DRG1: variants seen among roughly 807,000 people sequenced by gnomAD.
DRG1 encodes the protein developmentally-regulated GTP-binding protein 1.
DRG1 carries 19 observed loss-of-function variants against 38.8 expected under a neutral mutation model. That is an observed-to-expected ratio of 0.49 (90% confidence interval 0.34 to 0.72). DRG1 has a LOEUF of 0.72. Among genes scored for constraint, DRG1 ranks in the 30% least tolerant of loss-of-function variants. DRG1 has a pLI of 0.01. For missense variants in DRG1, 299 were observed against 444.8 expected (o/e 0.67, Z 2.95); for synonymous variants, 167 against 157.5 (o/e 1.06, Z -0.45).
intron 3 of DRG1, 75 bp downstream of exon 3, chr22:31,403,279 T>C (rs897622905): frequency 5.5e-6 from 8 of 1,452,866 alleles, no homozygotes; most frequent in Middle Eastern, 1.9e-4. Flanking sequence ...GGGAGCTCAC[T>C]GTATGCCAGG....
intron 4 of DRG1, among the ~76,000 whole-genome samples, chr22:31,418,657 A>C (rs2050057807): frequency 6.6e-6 from 1 of 151,398 alleles, no homozygotes. Context: ...ACAGGTGTCC[A>C]CTACCATGGC....
At chr22:31,400,878 T>C in intron 2 of DRG1, 135 bp downstream of exon 2, 2 of 1,062,914 alleles carry the variant, frequency 1.9e-6, no homozygotes, top group Non-Finnish European at 1.3e-6. Flanking sequence ...GCTGGGAGGC[T>C]GAGATAGGAG....
intron 8 of DRG1, among the ~76,000 whole-genome samples, chr22:31,432,584 C>T (rs1248486177): frequency 6.6e-6 from 1 of 152,110 alleles, no homozygotes; most frequent in South Asian, 2.1e-4. Flanking sequence ...CGCTACCACG[C>T]CCAGCTAATT....
intron 5 of DRG1, among the ~76,000 whole-genome samples, chr22:31,422,785 G>T (rs2050084216): frequency 6.6e-6 from 1 of 152,182 alleles, no homozygotes; most frequent in Non-Finnish European, 1.5e-5. Context: ...TTAAATAACA[G>T]AAATTTATTT....
chr22:31,413,761 C>T (rs1176583610), intron 4 of DRG1, among the ~76,000 whole-genome samples: 1 of 151,808 alleles, frequency 6.6e-6, no homozygotes, highest in East Asian at 1.9e-4. Context: ...TTACAGGCAC[C>T]TGCCACCACG....
intron 6 of DRG1, 163 bp from the exon 7 acceptor site, chr22:31,426,452 T>C (rs1277512903): frequency 5.1e-6 from 3 of 593,744 alleles, no homozygotes; most frequent in Admixed American, 3.5e-5. Context: ...TTTCAACCCA[T>C]AGTTCACTTT....
At chr22:31,423,986 T>C (rs1242525189) in intron 6 of DRG1, among the ~76,000 whole-genome samples, 2 of 150,320 alleles carry the variant, frequency 1.3e-5, no homozygotes, top group African/African-American at 4.9e-5. Flanking sequence ...CCCTCAGCCT[T>C]CCTGAGTAGC....
At chr22:31,419,630 A>G (rs1363356783) in intron 4 of DRG1, among the ~76,000 whole-genome samples, 4 of 152,172 alleles carry the variant, frequency 2.6e-5, no homozygotes, top group African/African-American at 9.7e-5. Flanking sequence ...AGGTGATGGA[A>G]ATATTCCATG....
intron 3 of DRG1, among the ~76,000 whole-genome samples, chr22:31,406,981 G>C (rs920031703): frequency 1.3e-5 from 2 of 152,276 alleles, no homozygotes; most frequent in Non-Finnish European, 2.9e-5. Flanking sequence ...CACTCTCAAA[G>C]AGTAATGATC....
chr22:31,410,785 A>T (rs545198053), intron 3 of DRG1, among the ~76,000 whole-genome samples: 1 of 152,068 alleles, frequency 6.6e-6, no homozygotes, highest in African/African-American at 2.4e-5. Flanking sequence ...GTTGTACTCC[A>T]GCCTGGGCAA....
chr22:31,430,635 G>C (rs1383635253), intron 8 of DRG1, among the ~76,000 whole-genome samples: 2 of 151,966 alleles, frequency 1.3e-5, no homozygotes, highest in Non-Finnish European at 2.9e-5. Context: ...TCCTGACCTC[G>C]TGATCCGCCC....
chr22:31,410,868 T>C (rs2050014728), intron 3 of DRG1, 144 bp from the exon 4 acceptor site: 3 of 734,090 alleles, frequency 4.1e-6, no homozygotes, highest in Non-Finnish European at 6.5e-6. Flanking sequence ...TTAAAAGTAA[T>C]ATTCACACAC....
intron 8 of DRG1, among the ~76,000 whole-genome samples, chr22:31,430,840 T>G (rs1278678840): frequency 6.6e-6 from 1 of 151,974 alleles, no homozygotes; most frequent in Non-Finnish European, 1.5e-5. Context: ...TACCTCAGTT[T>G]CTGAATAGCT....
At chr22:31,417,126 C>T (rs1246632103) in intron 4 of DRG1, among the ~76,000 whole-genome samples, 1 of 151,800 alleles carries the variant, frequency 6.6e-6, no homozygotes, top group East Asian at 1.9e-4. Flanking sequence ...AATTCCAGCA[C>T]TTTGGGAGGC....
intron 3 of DRG1, among the ~76,000 whole-genome samples, chr22:31,405,546 T>C (rs945952388): frequency 2.0e-5 from 3 of 152,134 alleles, no homozygotes; most frequent in Admixed American, 2.0e-4. Flanking sequence ...TTATTCATTC[T>C]CTCTTTCAGA....
chr22:31,426,811 C>T, intron 7 of DRG1, 29 bp downstream of exon 7: 3 of 1,606,650 alleles, frequency 1.9e-6, no homozygotes, highest in Non-Finnish European at 2.5e-6. Context: ...GGTAATGTTG[C>T]TATAGGAATT....
chr22:31,400,834 C>A, intron 2 of DRG1, 91 bp downstream of exon 2: 1 of 1,434,994 alleles, frequency 7.0e-7, no homozygotes. Flanking sequence ...AAAGATGGCC[C>A]AGTGCAGTGG....
intron 8 of DRG1, among the ~76,000 whole-genome samples, chr22:31,429,124 G>A (rs1034142200): frequency 1.3e-5 from 2 of 151,454 alleles, no homozygotes; most frequent in African/African-American, 4.9e-5. Flanking sequence ...GGTGAGGCTT[G>A]TTTGTGACAT....
intron 3 of DRG1, among the ~76,000 whole-genome samples, chr22:31,403,778 G>T (rs1484143906): frequency 6.6e-6 from 1 of 152,014 alleles, no homozygotes; most frequent in Non-Finnish European, 1.5e-5. Flanking sequence ...ACCGCGCCCG[G>T]CCCCCTGGTT....
Sources: gnomAD v4.1 joint callset for allele counts (sites outside exome capture counted in the v4.1 genomes callset) on GRCh38, gnomAD v4.1.1 for gene constraint, MANE v1.5 for transcripts, NCBI Gene and HGNC (gene_info 2026-07-23, HGNC 2026-07-21) for gene names.